The following GRAMD1B variants were observed in gnomAD, a reference collection of about 807,000 sequenced individuals.
The protein encoded by GRAMD1B is GRAM domain containing 1B, also known as protein Aster-B.
A neutral mutation model predicts 99.7 loss-of-function variants in GRAMD1B; 37 were observed. The ratio of observed to expected loss-of-function variants is 0.37; its 90% CI spans 0.29 to 0.49. The LOEUF (loss-of-function observed/expected upper bound fraction) is 0.49, where lower values mean the gene tolerates loss of function less well. GRAMD1B is among the 20% of genes least tolerant of loss of function. The pLI is 0.98. For synonymous variants in GRAMD1B, 427 were observed against 387.6 expected, an observed-to-expected ratio of 1.10 and a Z score of -1.19; for missense variants, 888 against 1,009.2, an observed-to-expected ratio of 0.88 and a Z score of 1.63.
At chr11:123,526,386 G>C (rs534361842) in intron 2 of GRAMD1B, among the ~76,000 whole-genome samples, 2 of 152,022 alleles carry the variant, frequency 1.3e-5, no homozygotes, top group African/African-American at 4.8e-5. Context: ...CTTCGAGGTC[G>C]GGGGTTTTGT....
Position 123,618,738 on chromosome 11 carries a change from C to G in GRAMD1B, c.2364C>G (p.Leu788=). 6.3e-7 allele frequency: 1 copy of G among 1,591,116 alleles called. No individual in the cohort carries two copies. Among genetic ancestry groups the G allele is most frequent in the Non-Finnish European group, 8.6e-7 (1 of 1,168,178 alleles). ...VILNMMLFYK[L]WMLEYTTQTL... is the part of the protein sequence containing the mutation. ...TTAACATGATGCTCTTCTACAAACTCTGGATGTTGGAATACACCACGCAGA... is the reference window on the plus strand; with the variant it reads ...TTAACATGATGCTCTTCTACAAACTGTGGATGTTGGAATACACCACGCAGA... The change falls in exon 18 of 20, where the codon CTC becomes CTG. Residue 788 remains leucine (L), a synonymous_variant. Transcript: ENST00000635736.
At chr11:123,396,522 C>T (rs1947471402) in intron 1 of GRAMD1B, among the ~76,000 whole-genome samples, 1 of 151,984 alleles carries the variant, frequency 6.6e-6, no homozygotes, top group Non-Finnish European at 1.5e-5. Context: ...GGGATCCGCC[C>T]GCCTCAGCCT....
chr11:123,603,023 C>G (rs1952180004), intron 8 of GRAMD1B, among the ~76,000 whole-genome samples: 1 of 152,196 alleles, frequency 6.6e-6, no homozygotes, highest in African/African-American at 2.4e-5. Flanking sequence ...GTCAGGGGAC[C>G]TCTGGGCATT....
chr11:123,498,717 G>A (rs1010876856), intron 2 of GRAMD1B, among the ~76,000 whole-genome samples: 1 of 152,128 alleles, frequency 6.6e-6, no homozygotes, highest in Non-Finnish European at 1.5e-5. Flanking sequence ...TGGTTCTGAA[G>A]CAGTGGTTTT....
intron 1 of GRAMD1B, among the ~76,000 whole-genome samples, chr11:123,436,902 G>A (rs564622634): frequency 2.0e-4 from 31 of 152,110 alleles, no homozygotes; most frequent in Middle Eastern, 3.4e-3. Flanking sequence ...ATCCCTCCCC[G>A]CTCACCCTAC....
chr11:123,469,975 T>C (rs1490094640), intron 1 of GRAMD1B, among the ~76,000 whole-genome samples: 1 of 152,192 alleles, frequency 6.6e-6, no homozygotes, highest in Non-Finnish European at 1.5e-5. Context: ...CTGATGTAAA[T>C]ATGTATGGCA....
chr11:123,578,562 C>A (rs1948988661), intron 3 of GRAMD1B: 1 of 695,600 alleles, frequency 1.4e-6, no homozygotes, highest in Non-Finnish European at 2.5e-6. Context: ...CCCAGAAGGG[C>A]CGGCCCCACT....
Position 123,430,581 on chromosome 11 carries a change from C to A in GRAMD1B, c.-212C>A. 1 of 455,210 alleles carries A rather than the reference C, an allele frequency of 2.2e-6. No homozygotes were observed. Among genetic ancestry groups the A allele is most frequent in the Non-Finnish European group, 3.9e-6 (1 of 259,370 alleles). 28.2% of individuals were successfully genotyped at this position (455,210 alleles called of 1,614,324 possible). ...CGCCGGCGGCTGACGGCCCGGAGGACGCGCGCTCCGAAAAGTTAGACTCCG... is the reference window on the plus strand; with the variant it reads ...CGCCGGCGGCTGACGGCCCGGAGGAAGCGCGCTCCGAAAAGTTAGACTCCG... On this transcript the variant is annotated 5_prime_UTR_variant, in exon 1 of 20. Transcript: ENST00000635736.
intron 6 of GRAMD1B, among the ~76,000 whole-genome samples, chr11:123,595,620 C>T (rs1345740755): frequency 6.6e-6 from 1 of 152,142 alleles, no homozygotes; most frequent in East Asian, 1.9e-4. Context: ...TGGCCACATC[C>T]TGCACCAATA....
intron 1 of GRAMD1B, among the ~76,000 whole-genome samples, chr11:123,471,997 G>C (rs1193978208): frequency 2.6e-5 from 4 of 152,158 alleles, no homozygotes; most frequent in Admixed American, 6.5e-5. Flanking sequence ...GCTGGGTGTG[G>C]TGGCTCATGC....
intron 8 of GRAMD1B, among the ~76,000 whole-genome samples, chr11:123,601,491 A>G (rs933028102): frequency 1.3e-5 from 2 of 149,894 alleles, no homozygotes; most frequent in Non-Finnish European, 3.0e-5. Context: ...CACACACATA[A>G]TGTTTCCCCC....
rs747611762 is a variant in GRAMD1B, at chr11:123,596,137, G to C, written c.969+100G>C. The stretch of plus-strand genomic sequence containing the variant: ...ATCGCATGAATGTGGAAGCCAATAG[G>C]ATTGGGATGAGAGGCGCTAAGGGCG... On this transcript the variant is annotated intron_variant, in intron 7 of 19. Transcript: ENST00000635736. 2.2e-5 allele frequency: 15 copies of C among 683,418 alleles called. No individual in the cohort carries two copies. The Admixed American group carries it at 3.6e-4, about 17-fold the overall frequency. 42.3% of individuals were successfully genotyped at this position (683,418 alleles called of 1,614,324 possible).
intron 17 of GRAMD1B, among the ~76,000 whole-genome samples, chr11:123,616,302 A>G (rs895293260): frequency 2.0e-5 from 3 of 152,240 alleles, no homozygotes; most frequent in Non-Finnish European, 4.4e-5. Flanking sequence ...AGCCTGGGTG[A>G]AAGAGTGAGA....
intron 9 of GRAMD1B, among the ~76,000 whole-genome samples, chr11:123,603,872 C>T (rs1423206994): frequency 3.9e-5 from 6 of 152,266 alleles, no homozygotes; most frequent in South Asian, 2.1e-4. Context: ...CAGGGAAACC[C>T]GTGAAGAGGC....
chr11:123,593,601 A>C (rs1592180178), intron 4 of GRAMD1B, among the ~76,000 whole-genome samples: 1 of 152,230 alleles, frequency 6.6e-6, no homozygotes, highest in African/African-American at 2.4e-5. Context: ...TTAGAAAATC[A>C]TGTCTTTCCC....
chr11:123,507,890 A>AT (rs1259504290), intron 2 of GRAMD1B, among the ~76,000 whole-genome samples: 6 of 152,170 alleles, frequency 3.9e-5, no homozygotes, highest in Non-Finnish European at 8.8e-5. Flanking sequence ...GAGGTTGGAA[A>AT]TTTGGTATTA....
At chr11:123,498,385 A>T (rs1939529534) in intron 2 of GRAMD1B, among the ~76,000 whole-genome samples, 1 of 152,202 alleles carries the variant, frequency 6.6e-6, no homozygotes, top group Admixed American at 6.5e-5. Flanking sequence ...AAGTGTACAG[A>T]TTCTTCATGC....
At chr11:123,522,115 C>G (rs1942244908) in intron 2 of GRAMD1B, among the ~76,000 whole-genome samples, 1 of 152,068 alleles carries the variant, frequency 6.6e-6, no homozygotes, top group Non-Finnish European at 1.5e-5. Context: ...GCAGGAGAAT[C>G]TGTGTATTCA....
chr11:123,362,689 T>A (rs1946184853), intron 1 of GRAMD1B, among the ~76,000 whole-genome samples: 1 of 152,218 alleles, frequency 6.6e-6, no homozygotes, highest in African/African-American at 2.4e-5. Context: ...GCAGCTCATC[T>A]GCCATCCAAT....
Sources: gnomAD v4.1 joint callset for allele counts (sites outside exome capture counted in the v4.1 genomes callset) on GRCh38, gnomAD v4.1.1 for gene constraint, MANE v1.5 for transcripts, NCBI Gene and HGNC (gene_info 2026-07-23, HGNC 2026-07-21) for gene names.